Variants in DLGAP3 observed in about 807,000 individuals in gnomAD.
The protein encoded by DLGAP3 is DLG associated protein 3, also known as disks large-associated protein 3.
Under a neutral mutation model 81.2 loss-of-function variants are expected in DLGAP3, and 17 were observed. That is an observed-to-expected ratio of 0.21 (90% CI 0.14 to 0.31). The LOEUF is 0.31. Ranked by LOEUF, DLGAP3 falls within the 10% of genes least tolerant of loss-of-function variation. The pLI is 1.00. For synonymous variants in DLGAP3, 577 were observed against 587.4 expected (o/e 0.98, Z 0.26); for missense variants, 1,124 against 1,388.0 (o/e 0.81, Z 3.02).
At chr1:34,907,327 C>G (rs1569650098) in intron 2 of DLGAP3, 28 bp downstream of exon 2, 1 of 152,670 alleles carries the variant, frequency 6.6e-6, no homozygotes, top group East Asian at 1.9e-4. Flanking sequence ...AGTCTAATCC[C>G]CATCTCCCAG....
At chr1:34,879,140 T>C (rs796420784) in intron 8 of DLGAP3, among the ~76,000 whole-genome samples, 21 of 152,066 alleles carry the variant, frequency 1.4e-4, no homozygotes, top group African/African-American at 5.1e-4. Context: ...TTTGGGATGA[T>C]TCAAGCACAT....
rs949627203 is a variant in DLGAP3, at chr1:34,866,313, AG to A, written c.2722-13del. On this transcript the variant is annotated splice_polypyrimidine_tract_variant and intron_variant, in intron 11 of 11. Coordinates refer to ENST00000373347, the MANE Select transcript of DLGAP3 (RefSeq NM_001080418.3). The stretch of plus-strand genomic sequence containing the variant: ...ACCTTCTTCTCCTCCTGCGGGGCAG[AG>A]GGCGTCGCTGAGCTGGGGCGCCGAA... 6.6e-7 allele frequency: 1 copy of A among 1,507,478 alleles called. No homozygotes were observed. The highest frequency in any genetic ancestry group is 1.4e-5 in the African/African-American group (1 of 71,722). 93.4% of individuals were successfully genotyped at this position (1,507,478 alleles called of 1,614,324 possible). A position where few individuals can be genotyped will look rare whatever the true frequency, so the allele number is the denominator to read the frequency against.
chr1:34,920,172 TGTCTCTAA>T (rs1421159041), intron 1 of DLGAP3, among the ~76,000 whole-genome samples: 7 of 152,274 alleles, frequency 4.6e-5, no homozygotes, highest in Non-Finnish European at 5.9e-5. Context: ...TCTCTCCAAG[TGTCTCTAA>T]GTCTCTGTCT....
At position 34,904,409 on chromosome 1, in the gene DLGAP3, C is replaced by G. The variant is rs1489289922; in HGVS notation, c.975G>C (p.Gln325His). 3.7e-6 allele frequency: 6 copies of G among 1,613,956 alleles called. No homozygotes were observed. Among genetic ancestry groups the G allele is most frequent in the Non-Finnish European group, 5.1e-6 (6 of 1,180,048 alleles). The change falls in exon 3 of 12, where the codon CAG (glutamine) becomes CAC (histidine). Residue 325 changes from glutamine (Q) to histidine (H), a missense_variant. Gln to His is a conservative substitution (Grantham distance 24). This residue lies in a region of DLGAP3 where 357 missense variants were observed against 408.8 expected (regional missense o/e 0.87). Coordinates refer to ENST00000373347, the MANE Select transcript of DLGAP3 (RefSeq NM_001080418.3). This position sits in a 1 kb window ranked among gnomAD's most constrained non-coding sequence, Gnocchi z 8.1. ...CTGMSMSLDG[Q>H]SVKRSAWHTM... ...TATGCCAGGCACTTCGCTTGACCGACTGTCCATCCAGTGACATGGACATGC... is the reference window on the plus strand; with the variant it reads ...TATGCCAGGCACTTCGCTTGACCGAGTGTCCATCCAGTGACATGGACATGC...
At chr1:34,927,183 C>A (rs188349039) in intron 1 of DLGAP3, among the ~76,000 whole-genome samples, 28 of 152,320 alleles carry the variant, frequency 1.8e-4, no homozygotes, top group Non-Finnish European at 3.8e-4. Context: ...GAGTCCCAAG[C>A]TGAAAGATGT....
chr1:34,885,668 G>A lies in DLGAP3; in HGVS notation c.1724C>T (p.Pro575Leu). 3 of 1,412,444 alleles carry A rather than the reference G, an allele frequency of 2.1e-6. No homozygotes were observed. Among genetic ancestry groups the A allele is most frequent in the Non-Finnish European group, 1.8e-6 (2 of 1,092,276 alleles). The allele number at this position is 1,412,444 out of a possible 1,614,324, so 87.5% of individuals were successfully genotyped here. ...AHESFTAAEG[P>L]ARRCSSADGL... ...GTCGGCGGAGCTGCAGCGCCGGGCG[G>A]GGCCCTCGGCCGCCGTGAAGCTCTC... The change falls in exon 7 of 12, where the codon CCC becomes CTC. Residue 575 changes from proline to leucine, a missense_variant. Pro to Leu is a moderately conservative substitution (Grantham distance 98). Transcript: ENST00000373347.
chr1:34,885,975 C>T (rs1639220328), intron 6 of DLGAP3, 97 bp downstream of exon 6: 1 of 1,309,460 alleles, frequency 7.6e-7, no homozygotes, highest in East Asian at 2.5e-5. Flanking sequence ...AGCGAGCGAT[C>T]TGCGCGGGTC....
At position 34,866,176 on chromosome 1, in the gene DLGAP3, C is replaced by T; in HGVS notation, c.2847G>A (p.Ala949=). Residue 949 remains alanine, a synonymous_variant, in exon 12 of 12, where the codon GCG becomes GCA. Transcript: ENST00000373347. ...GGCGGAAGGAAGCGGCGCGCTTGGC[C>T]GCCAGGAGCCGCTTGCGCGCTTCCT... The part of the protein sequence containing the change: ...QRQEARKRLL[A]AKRAASFRHS... 6.3e-7 allele frequency: 1 copy of T among 1,589,674 alleles called. No individual in the cohort carries two copies. The highest frequency in any genetic ancestry group is 8.5e-7 in the Non-Finnish European group (1 of 1,175,148).
rs1309031398 is a variant in DLGAP3 at position 34,885,598 on chromosome 1, C to T, written c.1794G>A (p.Ala598=). ...TGGGGCTGGCCCGGGGCGGCACCGG[C>T]GCCAACTCCAGTGTGCGCGCACCCA... ...PAMGARTLEL[A]PVPPRASPKP... is the part of the protein sequence containing the mutation. Residue 598 remains alanine, a synonymous_variant, in exon 7 of 12, where the codon GCG becomes GCA. Coordinates refer to ENST00000373347, the MANE Select transcript of DLGAP3 (RefSeq NM_001080418.3). 2 of 1,589,062 alleles carry T rather than the reference C, an allele frequency of 1.3e-6. No individual in the cohort carries two copies. Among genetic ancestry groups the T allele is most frequent in the Admixed American group, 1.7e-5 (1 of 57,176 alleles).
intron 8 of DLGAP3, among the ~76,000 whole-genome samples, chr1:34,870,193 G>A (rs1045207496): frequency 4.6e-5 from 7 of 152,152 alleles, no homozygotes; most frequent in Non-Finnish European, 1.0e-4. Flanking sequence ...TCAACTGGCC[G>A]TTTTCATTTT....
At chr1:34,926,353 G>A (rs886707778) in intron 1 of DLGAP3, among the ~76,000 whole-genome samples, 3 of 152,158 alleles carry the variant, frequency 2.0e-5, no homozygotes, top group South Asian at 2.1e-4. Context: ...CTGGCACCTC[G>A]TTACCATAAC....
At chr1:34,917,879 G>A (rs906417860) in intron 1 of DLGAP3, among the ~76,000 whole-genome samples, 2 of 152,204 alleles carry the variant, frequency 1.3e-5, no homozygotes, top group Non-Finnish European at 2.9e-5. Flanking sequence ...CTCTGGGGTT[G>A]GCCAGGCAGT....
intron 5 of DLGAP3, among the ~76,000 whole-genome samples, chr1:34,887,942 C>G (rs1639259162): frequency 3.3e-5 from 5 of 152,228 alleles, no homozygotes; most frequent in Admixed American, 3.3e-4. Context: ...GGTCTCAGGG[C>G]CTCCCTGGTA....
chr1:34,899,549 C>T lies in DLGAP3; in HGVS notation c.1386+120G>A. 7.6e-6 allele frequency: 7 copies of T among 923,036 alleles called. No homozygotes were observed. The South Asian group carries it at 9.1e-5, about 12-fold the overall frequency. The allele number at this position is 923,036 out of a possible 1,614,324, so 57.2% of individuals were successfully genotyped here. The stretch of plus-strand genomic sequence containing the variant: ...AGTCCTAAGGCAGGTTTCCCAGTTT[C>T]CCCAGAGCCAGGCCTGAGCTCTCTC... On this transcript the variant is annotated intron_variant, in intron 5 of 11. Transcript: ENST00000373347.
At chr1:34,874,147 CAGCCATT>C (rs1639017443) in intron 8 of DLGAP3, among the ~76,000 whole-genome samples, 1 of 152,140 alleles carries the variant, frequency 6.6e-6, no homozygotes, top group Non-Finnish European at 1.5e-5. Context: ...GGACCTCAAG[CAGCCATT>C]CTGGAACATG....
In DLGAP3 at chr1:34,865,722, GGGGA is replaced by G; in HGVS notation, c.*357_*360del. On this transcript the variant is annotated 3_prime_UTR_variant, in exon 12 of 12. Transcript: ENST00000373347. ...CCACGAAGCCCAGCCCCGCGGGGTG[GGGGA>G]GGGGGGGACGCAGAGCCCAGATGAG... 1 of 335,434 alleles carries G rather than the reference GGGGA, an allele frequency of 3.0e-6. No individual in the cohort carries two copies. Among genetic ancestry groups the G allele is most frequent in the East Asian group, 9.5e-5 (1 of 10,574 alleles). 20.8% of individuals were successfully genotyped at this position (335,434 alleles called of 1,614,324 possible).
chr1:34,910,589 T>C (rs1371015792), intron 1 of DLGAP3, among the ~76,000 whole-genome samples: 1 of 152,172 alleles, frequency 6.6e-6, no homozygotes, highest in African/African-American at 2.4e-5. Context: ...AGTCCCATGA[T>C]CCCTCACATC....
At chr1:34,915,884 G>A (rs531148987) in intron 1 of DLGAP3, among the ~76,000 whole-genome samples, 4 of 152,248 alleles carry the variant, frequency 2.6e-5, no homozygotes, top group South Asian at 4.1e-4. Context: ...GCTGCTGCAC[G>A]GGTGTACTCT....
At chr1:34,924,054 A>C (rs1452529588) in intron 1 of DLGAP3, among the ~76,000 whole-genome samples, 1 of 152,132 alleles carries the variant, frequency 6.6e-6, no homozygotes, top group Admixed American at 6.5e-5. Flanking sequence ...ACTCATCTGC[A>C]TGTCCTGACA....
Sources: gnomAD v4.1 joint callset for allele counts (sites outside exome capture counted in the v4.1 genomes callset) on GRCh38, gnomAD v4.1.1 for gene constraint, gnomAD v4.1.1 regional missense constraint, Gnocchi (gnomAD v3.1) non-coding constraint, MANE v1.5 for transcripts, NCBI Gene and HGNC (gene_info 2026-07-23, HGNC 2026-07-21) for gene names.